The following LGR5 variants were observed in gnomAD, a reference collection of about 807,000 sequenced individuals.
LGR5 encodes leucine-rich repeat-containing G protein-coupled receptor 5.
A neutral mutation model predicts 76.7 loss-of-function variants in LGR5; 54 were observed. The ratio of observed to expected loss-of-function variants is 0.70; its 90% CI spans 0.57 to 0.88. The LOEUF is 0.88. Among genes scored for constraint, LGR5 ranks in the 40% least tolerant of loss-of-function variants. The pLI, the probability that LGR5 is intolerant of heterozygous loss-of-function variation, is 0.00. For synonymous variants in LGR5, 406 were observed against 421.9 expected, an observed-to-expected ratio of 0.96 and a Z score of 0.46; for missense variants, 1,078 against 1,073.3, an observed-to-expected ratio of 1.00 and a Z score of -0.06.
intron 1 of LGR5, among the ~76,000 whole-genome samples, chr12:71,444,108 C>T (rs945494136): frequency 1.2e-4 from 18 of 151,940 alleles, no homozygotes; most frequent in Admixed American, 1.2e-3. Flanking sequence ...GATGAAAGAT[C>T]CTTTTTAGGA....
chr12:71,470,094 T>C (rs7976674), intron 1 of LGR5, among the ~76,000 whole-genome samples: 19,954 of 152,152 alleles, frequency 0.13, 1,503 homozygotes, highest in African/African-American at 0.2. Context: ...CCTGGGGGTA[T>C]CCATACCACC....
chr12:71,569,221 G>A (rs1878489613), intron 11 of LGR5, among the ~76,000 whole-genome samples: 1 of 152,190 alleles, frequency 6.6e-6, no homozygotes, highest in Non-Finnish European at 1.5e-5. Context: ...AGAAAATCTA[G>A]TCAATGTCAT....
Position 71,524,444 on chromosome 12 carries a change from G to C in LGR5, c.323G>C (p.Gly108Ala). ...AACGCTCTGACATACATTCCCAAGGGAGCATTCACTGGCCTTTACAGTCTT... is the reference window on the plus strand; with the variant it reads ...AACGCTCTGACATACATTCCCAAGGCAGCATTCACTGGCCTTTACAGTCTT... ...AGNALTYIPK[G>A]AFTGLYSLKV... The change falls in exon 3 of 18, where the codon GGA becomes GCA. Residue 108 changes from glycine to alanine, a missense_variant. Gly to Ala is a moderately conservative substitution (Grantham distance 60). Coordinates refer to ENST00000266674, the MANE Select transcript of LGR5 (RefSeq NM_003667.4). The C allele has an allele frequency of 6.2e-7, 1 of 1,613,326 alleles. No homozygotes were observed. Among genetic ancestry groups the C allele is most frequent in the South Asian group, 1.1e-5 (1 of 91,048 alleles).
chr12:71,495,973 T>C (rs1197037624), intron 1 of LGR5, among the ~76,000 whole-genome samples: 1 of 152,222 alleles, frequency 6.6e-6, no homozygotes, highest in Non-Finnish European at 1.5e-5. Flanking sequence ...GGTATCCTGA[T>C]GGTCAAAGTC....
chr12:71,557,830 A>G (rs1436048641), intron 6 of LGR5, among the ~76,000 whole-genome samples: 1 of 152,196 alleles, frequency 6.6e-6, no homozygotes, highest in South Asian at 2.1e-4. Flanking sequence ...CAAATGCAAT[A>G]AACCACACAG....
intron 13 of LGR5, among the ~76,000 whole-genome samples, 156 bp from the exon 14 acceptor site, chr12:71,577,769 C>T (rs1878920382): frequency 6.6e-6 from 1 of 152,076 alleles, no homozygotes; most frequent in Non-Finnish European, 1.5e-5. Flanking sequence ...CATTTTATAC[C>T]ACTAATATGA....
intron 1 of LGR5, among the ~76,000 whole-genome samples, chr12:71,494,872 T>A (rs73340166): frequency 0.024 from 3,643 of 151,208 alleles, 358 homozygotes; most frequent in African/African-American, 0.085. Context: ...CACTCAAATT[T>A]GATCTCTGGT....
chr12:71,451,676 C>T (rs1162813780), intron 1 of LGR5, among the ~76,000 whole-genome samples: 2 of 152,096 alleles, frequency 1.3e-5, no homozygotes, highest in African/African-American at 2.4e-5. Flanking sequence ...TCTACTTGTC[C>T]GTTTCTACTA....
chr12:71,558,475 T>C (rs896293042), intron 6 of LGR5, among the ~76,000 whole-genome samples: 2 of 152,178 alleles, frequency 1.3e-5, no homozygotes, highest in African/African-American at 4.8e-5. Context: ...CTTTCCCTAC[T>C]AGAAATCCAA....
At chr12:71,539,689 G>C (rs1876779719) in intron 4 of LGR5, among the ~76,000 whole-genome samples, 1 of 152,154 alleles carries the variant, frequency 6.6e-6, no homozygotes, top group Non-Finnish European at 1.5e-5. Flanking sequence ...TGTTGGTCAG[G>C]CTGGTCTCGA....
At chr12:71,486,946 A>C (rs1387251432) in intron 1 of LGR5, among the ~76,000 whole-genome samples, 1 of 152,186 alleles carries the variant, frequency 6.6e-6, no homozygotes. Context: ...AAATGACCCT[A>C]AGTTAAGGAT....
intron 1 of LGR5, among the ~76,000 whole-genome samples, chr12:71,446,901 C>T (rs1872024216): frequency 1.3e-5 from 2 of 152,262 alleles, no homozygotes; most frequent in Non-Finnish European, 1.5e-5. Context: ...TTCTTGTCTT[C>T]AAATCAGAGA....
intron 8 of LGR5, among the ~76,000 whole-genome samples, chr12:71,562,974 A>G (rs1878133585): frequency 6.6e-6 from 1 of 152,212 alleles, no homozygotes; most frequent in Non-Finnish European, 1.5e-5. Flanking sequence ...TTTAAAGTAC[A>G]TTGACAATAA....
chr12:71,465,350 C>A (rs960538115), intron 1 of LGR5, among the ~76,000 whole-genome samples: 1 of 152,114 alleles, frequency 6.6e-6, no homozygotes, highest in Non-Finnish European at 1.5e-5. Context: ...TGAAAATGGC[C>A]AACCCTCAGT....
At chr12:71,462,892 A>G (rs1439029368) in intron 1 of LGR5, among the ~76,000 whole-genome samples, 2 of 152,134 alleles carry the variant, frequency 1.3e-5, no homozygotes, top group Non-Finnish European at 2.9e-5. Flanking sequence ...TCATCTGCCC[A>G]CTGCTCTTCA....
chr12:71,496,014 T>G (rs1306423685), intron 1 of LGR5, among the ~76,000 whole-genome samples: 2 of 152,084 alleles, frequency 1.3e-5, no homozygotes, highest in Non-Finnish European at 2.9e-5. Context: ...CTATGAGACA[T>G]GAGGAAAATG....
chr12:71,542,928 A>G (rs567829109), intron 4 of LGR5, among the ~76,000 whole-genome samples: 1 of 152,272 alleles, frequency 6.6e-6, no homozygotes, highest in South Asian at 2.1e-4. Context: ...TCTTCACCTA[A>G]CACTTCATTA....
At chr12:71,548,298 G>A (rs1027707163) in intron 4 of LGR5, among the ~76,000 whole-genome samples, 6 of 54,992 alleles carry the variant, frequency 1.1e-4, no homozygotes, top group Admixed American at 2.4e-4. Context: ...TTGCCTTGTT[G>A]CACTGTGTGT....
intron 4 of LGR5, among the ~76,000 whole-genome samples, chr12:71,548,088 C>A (rs905953292): frequency 3.9e-5 from 6 of 152,160 alleles, no homozygotes; most frequent in Non-Finnish European, 5.9e-5. Context: ...GAAGGCAAGG[C>A]CACTCATTAT....
Sources: allele counts gnomAD v4.1 joint callset (sites outside exome capture counted in the v4.1 genomes callset), GRCh38; gene constraint gnomAD v4.1.1; transcripts MANE v1.5; gene names NCBI Gene and HGNC (gene_info 2026-07-23, HGNC 2026-07-21).